The following MAF variants were observed in gnomAD, a reference collection of about 807,000 sequenced individuals.
MAF encodes the protein MAF bZIP transcription factor.
MAF carries 10 observed loss-of-function variants against 22.0 expected under a neutral mutation model. The observed-to-expected ratio is 0.45, with a 90% CI of 0.28 to 0.77. The LOEUF (loss-of-function observed/expected upper bound fraction) is 0.77. Ranked by LOEUF, MAF falls within the 30% of genes least tolerant of loss-of-function variation. The pLI, the probability that MAF is intolerant of heterozygous loss-of-function variation, is 0.12. For synonymous variants in MAF, 337 were observed against 255.8 expected (o/e 1.32, Z -3.03); for missense variants, 544 against 548.4 (o/e 0.99, Z 0.08).
chr16:79,498,844 A>G, the MAF span, among the ~76,000 whole-genome samples: 1 of 152,130 alleles, frequency 6.6e-6, no homozygotes. Flanking sequence ...TCATTTTTTT[A>G]TCCATCCATT....
At chr16:79,513,965 A>G in the MAF span, among the ~76,000 whole-genome samples, 1 of 152,212 alleles carries the variant, frequency 6.6e-6, no homozygotes, top group Admixed American at 6.5e-5. Flanking sequence ...GAATGGAATC[A>G]ATAAAAAGAA....
At chr16:79,413,906 G>A in the MAF span, among the ~76,000 whole-genome samples, 2 of 152,188 alleles carry the variant, frequency 1.3e-5, no homozygotes, top group African/African-American at 2.4e-5. Context: ...AATCCAGTGG[G>A]GAATCAGTGA....
the MAF span, among the ~76,000 whole-genome samples, chr16:79,569,848 G>A: frequency 1.3e-5 from 2 of 152,146 alleles, no homozygotes; most frequent in African/African-American, 4.8e-5. Context: ...CCGGCTCTTA[G>A]GGAGGCAGGG....
the MAF span, among the ~76,000 whole-genome samples, chr16:79,482,422 C>A: frequency 6.6e-6 from 1 of 152,166 alleles, no homozygotes; most frequent in South Asian, 2.1e-4. Context: ...GTCAAATCAG[C>A]GACCTGGTCT....
the MAF span, among the ~76,000 whole-genome samples, chr16:79,384,945 G>A: frequency 6.6e-6 from 1 of 152,100 alleles, no homozygotes; most frequent in African/African-American, 2.4e-5. Context: ...AATATTTGAA[G>A]AAGACACTGA....
the MAF span, among the ~76,000 whole-genome samples, chr16:79,413,381 C>T: frequency 6.9e-6 from 1 of 144,968 alleles, no homozygotes; most frequent in South Asian, 2.4e-4. Flanking sequence ...GTAGCTGGGA[C>T]TACAGGCGCC....
chr16:79,406,182 G>A, the MAF span, among the ~76,000 whole-genome samples: 21 of 152,076 alleles, frequency 1.4e-4, no homozygotes, highest in African/African-American at 3.1e-4. Context: ...TTCCCTACAC[G>A]CCTGCAACTG....
At chr16:79,575,622 G>A in the MAF span, among the ~76,000 whole-genome samples, 2 of 152,194 alleles carry the variant, frequency 1.3e-5, no homozygotes, top group Non-Finnish European at 2.9e-5. Flanking sequence ...GTACTGCACA[G>A]TAGAGAAGGC....
At chr16:79,498,734 T>C in the MAF span, among the ~76,000 whole-genome samples, 1 of 152,246 alleles carries the variant, frequency 6.6e-6, no homozygotes, top group Admixed American at 6.5e-5. Flanking sequence ...TCTGGAATCC[T>C]TGTATATAAC....
the MAF span, among the ~76,000 whole-genome samples, chr16:79,447,611 C>A: frequency 6.6e-6 from 1 of 152,092 alleles, no homozygotes; most frequent in African/African-American, 2.4e-5. Flanking sequence ...AAAGTATTCA[C>A]CGTTCTAGAT....
chr16:79,589,983 C>G (rs1467622749), downstream of MAF, among the ~76,000 whole-genome samples: 1 of 152,124 alleles, frequency 6.6e-6, no homozygotes, highest in Non-Finnish European at 1.5e-5. Context: ...CTGAGGGACT[C>G]GGTAGCTTCA....
chr16:79,438,064 A>C, the MAF span, among the ~76,000 whole-genome samples: 1 of 151,980 alleles, frequency 6.6e-6, no homozygotes, highest in Non-Finnish European at 1.5e-5. Flanking sequence ...TGTCTCTTAG[A>C]GACGCCAGGT....
At chr16:79,385,393 T>A in the MAF span, among the ~76,000 whole-genome samples, 2 of 152,234 alleles carry the variant, frequency 1.3e-5, no homozygotes, top group African/African-American at 4.8e-5. Flanking sequence ...ATTCATTTCA[T>A]TTTTTATGCA....
chr16:79,366,054 A>G, the MAF span, among the ~76,000 whole-genome samples: 5 of 152,092 alleles, frequency 3.3e-5, 1 homozygote. Context: ...TCTCTATAAA[A>G]CCATTTAAGT....
At chr16:79,404,846 T>A in the MAF span, among the ~76,000 whole-genome samples, 1 of 152,130 alleles carries the variant, frequency 6.6e-6, no homozygotes, top group Admixed American at 6.5e-5. Context: ...CCCAAATGTA[T>A]TTTTTCCCCA....
At chr16:79,280,380 A>C in the MAF span, among the ~76,000 whole-genome samples, 2 of 152,248 alleles carry the variant, frequency 1.3e-5, no homozygotes, top group South Asian at 4.1e-4. Context: ...AGAAACTATT[A>C]AAACATAACC....
At chr16:79,597,452 T>C in intron 1 of MAF, 1 of 1,027,842 alleles carries the variant, frequency 9.7e-7, no homozygotes, top group Non-Finnish European at 1.2e-6. Flanking sequence ...AATAGCACAA[T>C]TTTAGTCCCC....
At chr16:79,566,276 T>C in the MAF span, among the ~76,000 whole-genome samples, 1 of 152,210 alleles carries the variant, frequency 6.6e-6, no homozygotes, top group East Asian at 1.9e-4. Flanking sequence ...TTCATCTTTG[T>C]GGCACTTTTA....
the MAF span, among the ~76,000 whole-genome samples, chr16:79,470,907 G>C: frequency 6.6e-6 from 1 of 152,176 alleles, no homozygotes. Context: ...TGCAGTGAGA[G>C]GCACTCAAAT....
Sources: allele counts gnomAD v4.1 joint callset (sites outside exome capture counted in the v4.1 genomes callset), GRCh38; gene constraint gnomAD v4.1.1; transcripts MANE v1.5; gene names NCBI Gene and HGNC (gene_info 2026-07-23, HGNC 2026-07-21).